Variants in CADM2 observed in about 807,000 individuals in gnomAD.
The protein encoded by CADM2 is cell adhesion molecule 2, also known as immunoglobulin superfamily member 4D.
In CADM2, 12 loss-of-function variants were observed where a neutral mutation model predicts 49.8. The ratio of observed to expected loss-of-function variants is 0.24; its 90% confidence interval spans 0.15 to 0.39. The LOEUF (loss-of-function observed/expected upper bound fraction) is 0.39. Among genes scored for constraint, CADM2 ranks in the 10% least tolerant of loss-of-function variants. The probability of loss-of-function intolerance (pLI) is 1.00; values close to 1 mark genes in which losing one functional copy is unlikely to be tolerated. For missense variants in CADM2, 378 were observed against 492.3 expected, an observed-to-expected ratio of 0.77 and a Z score of 2.20; for synonymous variants, 214 against 175.4, an observed-to-expected ratio of 1.22 and a Z score of -1.74.
chr3:84,993,947 T>C (rs1349622705), intron 1 of CADM2, among the ~76,000 whole-genome samples: 2 of 152,154 alleles, frequency 1.3e-5, no homozygotes, highest in African/African-American at 4.8e-5. Context: ...ATAGTACCTA[T>C]TTTTTGAAAT....
At chr3:85,312,495 G>T (rs7622240) in intron 1 of CADM2, among the ~76,000 whole-genome samples, 12,765 of 151,936 alleles carry the variant, frequency 0.084, 1,058 homozygotes, top group Admixed American at 0.25. Flanking sequence ...GATGCGGCAT[G>T]ATTTGATTTC....
At chr3:85,326,907 T>C (rs747497680) in intron 1 of CADM2, among the ~76,000 whole-genome samples, 25 of 152,196 alleles carry the variant, frequency 1.6e-4, no homozygotes, top group Non-Finnish European at 2.5e-4. Flanking sequence ...AAGTATAGAA[T>C]AATTAATGAC....
chr3:85,701,864 G>GAT (rs1559601583), intron 1 of CADM2, among the ~76,000 whole-genome samples: 1 of 53,470 alleles, frequency 1.9e-5, no homozygotes, highest in East Asian at 4.7e-4. Flanking sequence ...GTAAAAGATA[G>GAT]ATAGATAGAT....
At chr3:85,097,387 T>A (rs1160917813) in intron 1 of CADM2, among the ~76,000 whole-genome samples, 1 of 152,208 alleles carries the variant, frequency 6.6e-6, no homozygotes, top group Non-Finnish European at 1.5e-5. Context: ...ATTTTCTTAA[T>A]CCAGTCTATC....
intron 1 of CADM2, among the ~76,000 whole-genome samples, chr3:85,651,984 C>CTTTTTTTTTTTTTTT (rs75263402): frequency 4.7e-5 from 5 of 105,478 alleles, no homozygotes; most frequent in Non-Finnish European, 7.6e-5. Flanking sequence ...CGCCCGGCTA[C>CTTTTTTTTTTTTTTT]TTTTTTTTTT....
chr3:85,376,083 A>T (rs890030408), intron 1 of CADM2, among the ~76,000 whole-genome samples: 1 of 152,170 alleles, frequency 6.6e-6, no homozygotes, highest in Non-Finnish European at 1.5e-5. Context: ...AACAGATAAT[A>T]AAACTAATCA....
intron 3 of CADM2, among the ~76,000 whole-genome samples, chr3:85,830,291 A>G (rs2074127392): frequency 6.6e-6 from 1 of 151,930 alleles, no homozygotes; most frequent in African/African-American, 2.4e-5. Context: ...GAACGTTTTC[A>G]TATACCTTTT....
At chr3:85,694,280 A>T (rs1396995227) in intron 1 of CADM2, among the ~76,000 whole-genome samples, 1 of 152,194 alleles carries the variant, frequency 6.6e-6, no homozygotes, top group Non-Finnish European at 1.5e-5. Context: ...GACCTTTAGG[A>T]GGAAATTAAG....
At chr3:86,060,000 T>G (rs1251574567) in intron 8 of CADM2, among the ~76,000 whole-genome samples, 1 of 152,130 alleles carries the variant, frequency 6.6e-6, no homozygotes. Context: ...TATGAAAATA[T>G]GTTGATTTAC....
At chr3:85,586,153 T>C (rs1205784686) in intron 1 of CADM2, among the ~76,000 whole-genome samples, 2 of 152,092 alleles carry the variant, frequency 1.3e-5, no homozygotes, top group Non-Finnish European at 2.9e-5. Flanking sequence ...TAGTCATTCA[T>C]GAACATTTAA....
intron 2 of CADM2, among the ~76,000 whole-genome samples, chr3:85,791,657 T>C (rs1484650370): frequency 1.3e-5 from 2 of 151,854 alleles, no homozygotes; most frequent in Non-Finnish European, 2.9e-5. Flanking sequence ...TAGGCTAGCA[T>C]TGTACTTCAT....
At chr3:85,619,459 C>A (rs928715225) in intron 1 of CADM2, among the ~76,000 whole-genome samples, 6 of 152,132 alleles carry the variant, frequency 3.9e-5, no homozygotes, top group Admixed American at 2.0e-4. Flanking sequence ...AGTATTCTTG[C>A]CCTTTCACTC....
chr3:85,063,480 A>T (rs953544339), intron 1 of CADM2, among the ~76,000 whole-genome samples: 2 of 152,058 alleles, frequency 1.3e-5, no homozygotes, highest in Non-Finnish European at 2.9e-5. Flanking sequence ...CAGACACAAG[A>T]TAGCATAAAT....
At chr3:85,011,324 A>C (rs990910984) in intron 1 of CADM2, among the ~76,000 whole-genome samples, 1 of 151,902 alleles carries the variant, frequency 6.6e-6, no homozygotes, top group African/African-American at 2.4e-5. Context: ...TATTCAAACT[A>C]CATATTCATA....
intron 2 of CADM2, among the ~76,000 whole-genome samples, chr3:85,747,162 C>G (rs12497036): frequency 1.3e-5 from 2 of 151,932 alleles, no homozygotes; most frequent in African/African-American, 4.8e-5. Context: ...TGCTTGTTTA[C>G]CAATTCACCA....
chr3:85,832,841 G>A (rs1030585841), intron 3 of CADM2, among the ~76,000 whole-genome samples: 1 of 151,874 alleles, frequency 6.6e-6, no homozygotes, highest in African/African-American at 2.4e-5. Context: ...TCAGTAAAGT[G>A]TTGAATAGGA....
At chr3:85,241,284 T>G (rs9866167) in intron 1 of CADM2, among the ~76,000 whole-genome samples, 34,415 of 151,344 alleles carry the variant, frequency 0.23, 6,539 homozygotes, top group African/African-American at 0.53. Context: ...TAGCCTAGAT[T>G]ATGATAGGAC....
At chr3:85,796,270 T>C (rs59995857) in intron 2 of CADM2, among the ~76,000 whole-genome samples, 6,268 of 152,266 alleles carry the variant, frequency 0.041, 449 homozygotes, top group African/African-American at 0.14. Flanking sequence ...CATTTGGAGC[T>C]TCATATTTCT....
At chr3:85,613,539 G>A (rs1302793714) in intron 1 of CADM2, among the ~76,000 whole-genome samples, 1 of 151,560 alleles carries the variant, frequency 6.6e-6, no homozygotes, top group Non-Finnish European at 1.5e-5. Context: ...TGAGTGATGG[G>A]CAAACTTCTA....
Sources: allele counts gnomAD v4.1 joint callset (sites outside exome capture counted in the v4.1 genomes callset), GRCh38; gene constraint gnomAD v4.1.1; transcripts MANE v1.5; gene names NCBI Gene and HGNC (gene_info 2026-07-23, HGNC 2026-07-21).